Variants in SEMA6D observed in about 807,000 individuals in gnomAD.
SEMA6D encodes the protein semaphorin-6D.
In SEMA6D, 35 loss-of-function variants were observed where a neutral mutation model predicts 106.6. The ratio of observed to expected loss-of-function variants is 0.33; its 90% CI spans 0.25 to 0.44. The LOEUF is 0.44. SEMA6D is among the 20% of genes least tolerant of loss of function. SEMA6D has a pLI of 1.00. For missense variants in SEMA6D, 1,185 were observed against 1,345.9 expected (o/e 0.88, Z 1.87); for synonymous variants, 499 against 487.7 (o/e 1.02, Z -0.31).
intron 3 of SEMA6D, among the ~76,000 whole-genome samples, chr15:47,575,605 T>C (rs1336020305): frequency 6.6e-6 from 1 of 151,996 alleles, no homozygotes; most frequent in Non-Finnish European, 1.5e-5. Flanking sequence ...TGCAGTCCCA[T>C]CTACCCGGGA....
chr15:47,441,256 T>A (rs2041873307), intron 2 of SEMA6D, among the ~76,000 whole-genome samples: 1 of 152,070 alleles, frequency 6.6e-6, no homozygotes, highest in Non-Finnish European at 1.5e-5. Flanking sequence ...ATGTTCTTCA[T>A]CTTGTCATTG....
chr15:47,628,590 A>T (rs1030732133), intron 4 of SEMA6D, among the ~76,000 whole-genome samples: 1 of 151,664 alleles, frequency 6.6e-6, no homozygotes, highest in Non-Finnish European at 1.5e-5. Flanking sequence ...CTCTAGTGGG[A>T]TTGTTTGCTT....
At chr15:47,400,911 A>G (rs753755627) in intron 1 of SEMA6D, among the ~76,000 whole-genome samples, 8 of 152,218 alleles carry the variant, frequency 5.3e-5, no homozygotes, top group Non-Finnish European at 7.3e-5. Flanking sequence ...CTTCTAACAG[A>G]GACAGAACAG....
At chr15:47,655,154 A>G (rs890177753) in intron 4 of SEMA6D, among the ~76,000 whole-genome samples, 1 of 152,212 alleles carries the variant, frequency 6.6e-6, no homozygotes, top group Non-Finnish European at 1.5e-5. Context: ...ACTGAAGAAG[A>G]TGTAGTGAAT....
intron 1 of SEMA6D, among the ~76,000 whole-genome samples, chr15:47,266,861 G>A (rs1027418166): frequency 6.6e-6 from 1 of 152,076 alleles, no homozygotes; most frequent in Non-Finnish European, 1.5e-5. Flanking sequence ...GTAGATTTTT[G>A]TTGTCCTGTC....
chr15:47,535,926 T>C (rs986995716), intron 3 of SEMA6D, among the ~76,000 whole-genome samples: 2 of 152,162 alleles, frequency 1.3e-5, no homozygotes, highest in Admixed American at 1.3e-4. Flanking sequence ...AGAAAGTAGC[T>C]TGTTAGTTTG....
chr15:47,231,728 A>G (rs1439899194), intron 1 of SEMA6D, among the ~76,000 whole-genome samples: 2 of 152,040 alleles, frequency 1.3e-5, no homozygotes. Context: ...TAGGAGAAGA[A>G]ATATTTTCTA....
intron 1 of SEMA6D, among the ~76,000 whole-genome samples, chr15:47,314,302 T>G (rs1487612220): frequency 3.3e-5 from 5 of 152,164 alleles, no homozygotes; most frequent in African/African-American, 1.2e-4. Context: ...CTATTAGTGT[T>G]AAGAATTCTT....
At chr15:47,235,083 T>G (rs998486377) in intron 1 of SEMA6D, among the ~76,000 whole-genome samples, 3 of 152,086 alleles carry the variant, frequency 2.0e-5, no homozygotes, top group Non-Finnish European at 4.4e-5. Context: ...TAAATTGCAT[T>G]TCCCTGATTA....
chr15:47,478,760 T>TA (rs2043068346), intron 3 of SEMA6D, among the ~76,000 whole-genome samples: 1 of 152,070 alleles, frequency 6.6e-6, no homozygotes, highest in Non-Finnish European at 1.5e-5. Context: ...AAGCTACTAA[T>TA]AAAGACATAC....
chr15:47,655,660 A>G (rs1378767445), intron 4 of SEMA6D, among the ~76,000 whole-genome samples: 1 of 152,210 alleles, frequency 6.6e-6, no homozygotes, highest in Non-Finnish European at 1.5e-5. Flanking sequence ...AATTACACAA[A>G]CAAAACCTTA....
intron 1 of SEMA6D, among the ~76,000 whole-genome samples, chr15:47,254,442 C>G (rs79499954): frequency 0.044 from 6,644 of 151,390 alleles, 211 homozygotes; most frequent in African/African-American, 0.085. Context: ...CCTAGTTGCT[C>G]CGGCTGGTAC....
intron 1 of SEMA6D, among the ~76,000 whole-genome samples, chr15:47,297,597 C>A (rs1049883615): frequency 1.3e-5 from 2 of 152,130 alleles, no homozygotes; most frequent in East Asian, 3.9e-4. Context: ...GACACTGGCC[C>A]AGGTGCTGTG....
intron 3 of SEMA6D, among the ~76,000 whole-genome samples, chr15:47,482,986 CTTG>C (rs2043195035): frequency 1.3e-5 from 2 of 152,092 alleles, no homozygotes; most frequent in South Asian, 4.1e-4. Flanking sequence ...GATACTTGCT[CTTG>C]TTGGTGCGTG....
At chr15:47,400,479 A>C in intron 1 of SEMA6D, among the ~76,000 whole-genome samples, 1 of 134,956 alleles carries the variant, frequency 7.4e-6, no homozygotes, top group South Asian at 2.2e-4. Context: ...ACGGAGAGAG[A>C]CTCTGTCTCA....
At chr15:47,506,033 A>G (rs550457707) in intron 3 of SEMA6D, among the ~76,000 whole-genome samples, 3 of 152,302 alleles carry the variant, frequency 2.0e-5, no homozygotes, top group Non-Finnish European at 2.9e-5. Flanking sequence ...TACCCGAGGA[A>G]CAAAGTCAGG....
intron 1 of SEMA6D, among the ~76,000 whole-genome samples, chr15:47,258,185 G>C (rs759329411): frequency 1.3e-5 from 2 of 152,126 alleles, no homozygotes; most frequent in Non-Finnish European, 2.9e-5. Flanking sequence ...GCAGCATATA[G>C]TTATGCAATT....
chr15:47,387,625 G>A (rs1042791168), intron 1 of SEMA6D, among the ~76,000 whole-genome samples: 1 of 152,142 alleles, frequency 6.6e-6, no homozygotes, highest in African/African-American at 2.4e-5. Flanking sequence ...ATTAGTTCAG[G>A]TAACAGTTAC....
At chr15:47,284,759 A>G (rs1166897685) in intron 1 of SEMA6D, among the ~76,000 whole-genome samples, 1 of 152,216 alleles carries the variant, frequency 6.6e-6, no homozygotes, top group African/African-American at 2.4e-5. Context: ...AAGGTTTCTT[A>G]AAGTATAACA....
Sources: allele counts gnomAD v4.1 joint callset (sites outside exome capture counted in the v4.1 genomes callset), GRCh38; gene constraint gnomAD v4.1.1; transcripts MANE v1.5; gene names NCBI Gene and HGNC (gene_info 2026-07-23, HGNC 2026-07-21).